PIK3R6: variants seen among roughly 807,000 people sequenced by gnomAD.
PIK3R6 encodes phosphoinositide 3-kinase regulatory subunit 6.
In PIK3R6, 91 loss-of-function variants were observed where a neutral mutation model predicts 84.9. The ratio of observed to expected loss-of-function variants is 1.07; its 90% CI spans 0.90 to 1.28. PIK3R6 has a LOEUF of 1.28. Among genes scored for constraint, PIK3R6 ranks in the 50% most tolerant of loss-of-function variants. The probability of loss-of-function intolerance (pLI) is 0.00; values close to 1 mark genes in which losing one functional copy is unlikely to be tolerated. For missense variants in PIK3R6, 996 were observed against 985.1 expected (o/e 1.01, Z -0.15); for synonymous variants, 416 against 411.4 (o/e 1.01, Z -0.13).
Position 8,803,518 on chromosome 17 carries a change from C to G in PIK3R6, c.2109-89G>C. The G allele has an allele frequency of 7.6e-7, 1 of 1,315,964 alleles. No individual in the cohort carries two copies. Among genetic ancestry groups the G allele is most frequent in the East Asian group, 2.4e-5 (1 of 41,666 alleles). The allele number at this position is 1,315,964 out of a possible 1,614,324, so 81.5% of individuals were successfully genotyped here. ...GAAAGGCAGAGCTGTTATTGTAGGG[C>G]CTAGAGCTGTTATTGTAGGGCATAG... On this transcript the variant is annotated intron_variant, in intron 19 of 19. Coordinates refer to ENST00000619866, the MANE Select transcript of PIK3R6 (RefSeq NM_001010855.4). The surrounding 1 kb of genome is among the most constrained non-coding windows in gnomAD (Gnocchi z 5.0).
intron 18 of PIK3R6, among the ~76,000 whole-genome samples, chr17:8,818,357 A>G (rs1436647460): frequency 6.6e-6 from 1 of 152,204 alleles, no homozygotes. Context: ...TGTCTGTATC[A>G]GTAAGTACTG....
Position 8,819,055 on chromosome 17 carries a change from T to C in PIK3R6, c.1995+28A>G, listed in dbSNP as rs755599449. The C allele has an allele frequency of 6.6e-6, 10 of 1,514,704 alleles. No individual in the cohort carries two copies. In the East Asian group the frequency reaches 2.4e-4, roughly 36 times the overall value. 93.8% of individuals were successfully genotyped at this position (1,514,704 alleles called of 1,614,324 possible). The stretch of plus-strand genomic sequence containing the variant: ...CCTACTGCTGTCCCAGCTGGCTGTC[T>C]CCCTTTCCCAGTCTACTCAGTACTT... On this transcript the variant is annotated intron_variant, in intron 18 of 19. Transcript: ENST00000619866.
chr17:8,806,567 C>T (rs947040013), intron 18 of PIK3R6, among the ~76,000 whole-genome samples: 1 of 152,146 alleles, frequency 6.6e-6, no homozygotes, highest in Non-Finnish European at 1.5e-5. Flanking sequence ...ATAAATGAAG[C>T]CATGGGAGCC....
intron 2 of PIK3R6, among the ~76,000 whole-genome samples, chr17:8,845,580 C>G (rs893936702): frequency 1.3e-5 from 2 of 152,130 alleles, no homozygotes; most frequent in Admixed American, 1.3e-4. Context: ...GGAATGCATA[C>G]TTTGTGAATA....
At position 8,810,562 on chromosome 17, in the gene PIK3R6, C is replaced by G. The variant is rs1427787608; in HGVS notation, c.1996-6409G>C. Among the ~76,000 whole-genome samples, 4 of 148,476 alleles carry G rather than the reference C, an allele frequency of 2.7e-5. 1 individual carries two copies. Among genetic ancestry groups the G allele is most frequent in the Non-Finnish European group, 5.9e-5 (4 of 67,928 alleles). ...CCTTCTGCTTATGAGCCTGTAAAAT[C>G]AAAAGCAAGTTAGTTACTTCCTAGA... On this transcript the variant is annotated intron_variant, in intron 18 of 19. Coordinates refer to ENST00000619866, the MANE Select transcript of PIK3R6 (RefSeq NM_001010855.4).
chr17:8,865,970 G>T (rs1415552732), intron 1 of PIK3R6, among the ~76,000 whole-genome samples: 2 of 152,204 alleles, frequency 1.3e-5, no homozygotes, highest in African/African-American at 4.8e-5. Flanking sequence ...AGATGGCGAT[G>T]ACTGCAGCTT....
chr17:8,854,438 C>T (rs1435481225), intron 1 of PIK3R6, among the ~76,000 whole-genome samples: 2 of 152,124 alleles, frequency 1.3e-5, no homozygotes, highest in African/African-American at 4.8e-5. Context: ...TGAGCCACCA[C>T]GCTCAGCTTC....
At position 8,842,706 on chromosome 17, in the gene PIK3R6, TTGAC is replaced by T. The variant is rs1308016236; in HGVS notation, c.14-3013_14-3010del. Among the ~76,000 whole-genome samples, 1 of 152,082 alleles carries T rather than the reference TTGAC, an allele frequency of 6.6e-6. No individual in the cohort carries two copies. Among genetic ancestry groups the T allele is most frequent in the African/African-American group, 2.4e-5 (1 of 41,414 alleles). On this transcript the variant is annotated intron_variant, in intron 2 of 19. Transcript: ENST00000619866. This position sits in a 1 kb window ranked among gnomAD's most constrained non-coding sequence, Gnocchi z 4.5. ...AACCACATGCCCCAAGGGTTCCTCT[TTGAC>T]TGGGCTATCAGGAAACTTACGGTCA...
intron 18 of PIK3R6, among the ~76,000 whole-genome samples, chr17:8,818,206 G>A (rs1010350045): frequency 3.3e-5 from 5 of 152,224 alleles, no homozygotes; most frequent in Non-Finnish European, 5.9e-5. Flanking sequence ...AAATCGGTGC[G>A]TAAGCCTGCT....
chr17:8,865,538 C>G (rs975844789), intron 1 of PIK3R6, among the ~76,000 whole-genome samples: 3 of 152,100 alleles, frequency 2.0e-5, no homozygotes, highest in African/African-American at 7.2e-5. Flanking sequence ...CTCCCCTCTT[C>G]TCCCACCAGA....
chr17:8,841,266 C>T (rs536679347), intron 2 of PIK3R6, among the ~76,000 whole-genome samples: 4 of 152,072 alleles, frequency 2.6e-5, no homozygotes, highest in East Asian at 1.9e-4. Flanking sequence ...CTTGACCAAA[C>T]CTTACTCAGC....
At position 8,828,612 on chromosome 17, in the gene PIK3R6, T is replaced by C. The variant is rs146453555; in HGVS notation, c.1268A>G (p.Asp423Gly). The change falls in exon 11 of 20, where the codon GAT becomes GGT. Residue 423 changes from aspartate (D) to glycine (G), a missense_variant. Physicochemically the swap from Asp to Gly is moderately conservative, Grantham distance 94. Transcript: ENST00000619866. ...LHTARVLVLGDDRMLGRLAQA... is the reference protein window; with the variant it reads ...LHTARVLVLGGDRMLGRLAQA... ...GGCCAGGCGCCCCAGCATCCTGTCATCTCCGAGCACAAGTACCCGGGCTGT... is the reference window on the plus strand; with the variant it reads ...GGCCAGGCGCCCCAGCATCCTGTCACCTCCGAGCACAAGTACCCGGGCTGT... The C allele has an allele frequency of 5.5e-3, 8,842 of 1,613,346 alleles. 39 individuals carry two copies. Among genetic ancestry groups the C allele is most frequent in the Non-Finnish European group, 6.5e-3 (7,620 of 1,179,686 alleles).
chr17:8,867,008 G>C (rs1032749316), intron 1 of PIK3R6, among the ~76,000 whole-genome samples: 8 of 152,198 alleles, frequency 5.3e-5, no homozygotes, highest in African/African-American at 1.7e-4. Context: ...GGCAGATGAT[G>C]TCCCAGAAAG....
chr17:8,838,305 CT>C (rs1387465062), intron 4 of PIK3R6: 11 of 478,802 alleles, frequency 2.3e-5, no homozygotes, highest in Middle Eastern at 5.4e-4. Context: ...CCTTCTGTTT[CT>C]GACAAGTGAT....
chr17:8,829,703 T>C lies in PIK3R6; in HGVS notation c.889+3A>G, dbSNP rs2088166060. On this transcript the variant is annotated splice_donor_region_variant and intron_variant, in intron 10 of 19. Transcript: ENST00000619866. ...GTTTCCAGACAGCTCCATGGGCACG[T>C]ACAGAGCTGCTCCTCACCGGTCCAC... The C allele has an allele frequency of 6.4e-7, 1 of 1,552,110 alleles. No individual in the cohort carries two copies. The highest frequency in any genetic ancestry group is 1.2e-5 in the South Asian group (1 of 84,052).
rs778719624 is a variant in PIK3R6, at chr17:8,819,970, CAG to C, written c.1880-774_1880-773del. On this transcript the variant is annotated intron_variant, in intron 17 of 19. Coordinates refer to ENST00000619866, the MANE Select transcript of PIK3R6 (RefSeq NM_001010855.4). ...ATATATATATATTTTTTTTTTGAGA[CAG>C]AGTCTCACTCTGTTGCCCAGGCTGT... Among the ~76,000 whole-genome samples, 330 of 142,320 alleles carry C rather than the reference CAG, an allele frequency of 2.3e-3. 5 individuals are homozygous for C. The highest frequency in any genetic ancestry group is 6.9e-4 in the Non-Finnish European group (46 of 66,404). 93.4% of individuals were successfully genotyped at this position (142,320 alleles called of 152,430 possible).
chr17:8,805,477 C>T (rs2087176601), intron 18 of PIK3R6, among the ~76,000 whole-genome samples: 1 of 152,122 alleles, frequency 6.6e-6, no homozygotes, highest in South Asian at 2.1e-4. Flanking sequence ...CACCTATCAC[C>T]CCGCTATGCA....
At chr17:8,857,020 C>A (rs1368332282) in intron 1 of PIK3R6, among the ~76,000 whole-genome samples, 1 of 84,256 alleles carries the variant, frequency 1.2e-5, no homozygotes, top group Non-Finnish European at 2.4e-5. Context: ...CTGGCTCCCC[C>A]TCGACATTCA....
At chr17:8,819,689 T>TATATACACAC (rs374733654) in intron 17 of PIK3R6, among the ~76,000 whole-genome samples, 5 of 135,886 alleles carry the variant, frequency 3.7e-5, no homozygotes, top group East Asian at 2.0e-4. Context: ...TATATATATA[T>TATATACACAC]ACACACACAC....
Sources: allele counts gnomAD v4.1 joint callset (sites outside exome capture counted in the v4.1 genomes callset), GRCh38; gene constraint gnomAD v4.1.1; non-coding constraint Gnocchi (gnomAD v3.1); transcripts MANE v1.5; gene names NCBI Gene and HGNC (gene_info 2026-07-23, HGNC 2026-07-21).